The following EPHB1 variants were observed in gnomAD, a reference collection of about 807,000 sequenced individuals.
EPHB1 encodes the protein ephrin type-B receptor 1.
EPHB1 carries 30 observed loss-of-function variants against 94.4 expected under a neutral mutation model. The ratio of observed to expected loss-of-function variants is 0.32; its 90% confidence interval spans 0.24 to 0.43. EPHB1 has a LOEUF of 0.43. Ranked by LOEUF, EPHB1 falls within the 20% of genes least tolerant of loss-of-function variation. EPHB1 has a pLI of 1.00. For synonymous variants in EPHB1, 522 were observed against 489.1 expected, an observed-to-expected ratio of 1.07 and a Z score of -0.89; for missense variants, 1,055 against 1,308.3, an observed-to-expected ratio of 0.81 and a Z score of 2.99.
intron 12 of EPHB1, among the ~76,000 whole-genome samples, chr3:135,232,427 G>T (rs371053404): frequency 1.3e-5 from 2 of 152,136 alleles, no homozygotes; most frequent in African/African-American, 2.4e-5. Flanking sequence ...ACCCTCACTC[G>T]CAAGCAGGTG....
chr3:135,038,511 C>T (rs574453638), intron 3 of EPHB1, among the ~76,000 whole-genome samples: 2 of 152,276 alleles, frequency 1.3e-5, no homozygotes, highest in South Asian at 4.1e-4. Flanking sequence ...TGCCAGGCTG[C>T]TGAGTTGGAC....
chr3:134,813,660 T>C (rs2036216659), intron 1 of EPHB1, among the ~76,000 whole-genome samples: 1 of 152,210 alleles, frequency 6.6e-6, no homozygotes, highest in Non-Finnish European at 1.5e-5. Flanking sequence ...CTGGTTCTTG[T>C]TGCATTCAAG....
intron 6 of EPHB1, among the ~76,000 whole-genome samples, chr3:135,157,424 T>C (rs1941386725): frequency 6.6e-6 from 1 of 152,242 alleles, no homozygotes; most frequent in African/African-American, 2.4e-5. Context: ...TTGAAAACTG[T>C]AATTAACCTC....
chr3:135,236,349 G>T (rs112859935), intron 12 of EPHB1, among the ~76,000 whole-genome samples: 64 of 152,142 alleles, frequency 4.2e-4, no homozygotes, highest in Admixed American at 1.7e-3. Flanking sequence ...AGCATGAAAT[G>T]TAGGGCTCAT....
chr3:135,121,998 C>A (rs953873877), intron 4 of EPHB1, among the ~76,000 whole-genome samples: 1 of 152,084 alleles, frequency 6.6e-6, no homozygotes. Context: ...GTGTTCCCTC[C>A]AAGTTCCCGT....
intron 12 of EPHB1, among the ~76,000 whole-genome samples, chr3:135,237,315 CA>C (rs1408698675): frequency 6.6e-6 from 1 of 151,252 alleles, no homozygotes; most frequent in Non-Finnish European, 1.5e-5. Context: ...CACACACAGA[CA>C]GACACAAAAT....
chr3:134,977,374 T>C (rs780181918), intron 3 of EPHB1, among the ~76,000 whole-genome samples: 2 of 152,198 alleles, frequency 1.3e-5, no homozygotes, highest in Non-Finnish European at 2.9e-5. Flanking sequence ...TTCCTTTAAT[T>C]CTCACTCTAG....
intron 6 of EPHB1, 141 bp downstream of exon 6, chr3:135,154,417 A>T: frequency 8.2e-7 from 1 of 1,226,048 alleles, no homozygotes; most frequent in Non-Finnish European, 1.1e-6. Flanking sequence ...TCCCTGGGAG[A>T]GTTCTCCAGG....
intron 10 of EPHB1, among the ~76,000 whole-genome samples, chr3:135,181,735 G>A (rs1942157242): frequency 6.7e-6 from 1 of 150,352 alleles, no homozygotes; most frequent in Non-Finnish European, 1.5e-5. Context: ...TGACCCTACT[G>A]GATAGTTACA....
chr3:135,116,237 AC>A (rs1019488662), intron 4 of EPHB1, among the ~76,000 whole-genome samples: 1 of 152,198 alleles, frequency 6.6e-6, no homozygotes, highest in Non-Finnish European at 1.5e-5. Context: ...AAACAAAAAA[AC>A]ATTAAAAGTA....
chr3:135,069,126 T>C (rs1467309337), intron 3 of EPHB1, among the ~76,000 whole-genome samples: 1 of 151,414 alleles, frequency 6.6e-6, no homozygotes, highest in Non-Finnish European at 1.5e-5. Context: ...GAAGCCGCAT[T>C]ACCTGATCCA....
At chr3:134,978,223 C>T (rs1391602480) in intron 3 of EPHB1, 6 of 308,520 alleles carry the variant, frequency 1.9e-5, no homozygotes, top group Non-Finnish European at 3.2e-5. Context: ...TCTCTGCTGC[C>T]CCTACCCTAA....
rs1475891635 is a variant in EPHB1 at position 135,253,392 on chromosome 3, A to C, written c.2846+3901A>C. 2.7e-5 allele frequency among the ~76,000 whole-genome samples: 4 copies of C among 148,170 alleles called. No individual in the cohort carries two copies. The East Asian group carries it at 7.9e-4, about 29-fold the overall frequency. The stretch of plus-strand genomic sequence containing the variant: ...TCCATCTTGAATTAATTTTTGTATA[A>C]GGTGTAAGGAAGGGATCCAGTTTCA... On this transcript the variant is annotated intron_variant, in intron 15 of 15. Transcript: ENST00000398015.
chr3:135,085,499 C>A (rs1013043922), intron 3 of EPHB1, among the ~76,000 whole-genome samples: 1 of 152,172 alleles, frequency 6.6e-6, no homozygotes, highest in Non-Finnish European at 1.5e-5. Flanking sequence ...ACCTTGGAGC[C>A]CAGGTTTACT....
Position 134,951,858 on chromosome 3 carries a change from C to T in EPHB1, c.611C>T (p.Ala204Val), listed in dbSNP as rs2107715949. The change falls in exon 3 of 16, where the codon GCA becomes GTA. Residue 204 changes from alanine (A) to valine (V), a missense_variant. Physicochemically the swap from Ala to Val is moderately conservative, Grantham distance 64 (BLOSUM62 0). Transcript: ENST00000398015. The surrounding 1 kb of genome is among the most constrained non-coding windows in gnomAD (Gnocchi z 4.5). ...TGTCCCAGCATTGTGCAAAATTTTG[C>T]AGTGTTTCCAGAGACTATGACAGGG... ...KKCPSIVQNF[A>V]VFPETMTGAE... 1.2e-6 allele frequency: 2 copies of T among 1,613,970 alleles called. No individual in the cohort carries two copies. The highest frequency in any genetic ancestry group is 8.5e-7 in the Non-Finnish European group (1 of 1,179,874).
At chr3:134,860,514 C>A (rs2037231075) in intron 1 of EPHB1, among the ~76,000 whole-genome samples, 1 of 152,134 alleles carries the variant, frequency 6.6e-6, no homozygotes, top group Admixed American at 6.5e-5. Context: ...CCACTTTACA[C>A]TTTAAAAAAA....
rs113557036 is a variant in EPHB1 at position 135,206,581 on chromosome 3, G to A, written c.2346+4892G>A. Among the ~76,000 whole-genome samples, 4 of 152,330 alleles carry A rather than the reference G, an allele frequency of 2.6e-5. 1 individual carries two copies. The highest frequency in any genetic ancestry group is 9.6e-5 in the African/African-American group (4 of 41,566). On this transcript the variant is annotated intron_variant, in intron 12 of 15. Transcript: ENST00000398015. ...AGTCTTACTGTAGGTTGGGCATGGT[G>A]GCCTGTGCCTGTAATCCCAGCACTT...
intron 1 of EPHB1, among the ~76,000 whole-genome samples, chr3:134,874,828 T>G (rs914955484): frequency 2.6e-5 from 4 of 152,222 alleles, no homozygotes; most frequent in Admixed American, 2.6e-4. Flanking sequence ...TGATTGTAGT[T>G]ACCCGATGGG....
chr3:135,200,329 C>T (rs796304735), intron 11 of EPHB1, among the ~76,000 whole-genome samples: 46 of 152,202 alleles, frequency 3.0e-4, no homozygotes, highest in African/African-American at 1.1e-3. Context: ...AACTCTGAGC[C>T]CACAAATGAT....
Sources: allele counts gnomAD v4.1 joint callset (sites outside exome capture counted in the v4.1 genomes callset), GRCh38; gene constraint gnomAD v4.1.1; non-coding constraint Gnocchi (gnomAD v3.1); transcripts MANE v1.5; gene names NCBI Gene and HGNC (gene_info 2026-07-23, HGNC 2026-07-21).